ANO3: variants seen among roughly 807,000 people sequenced by gnomAD.
ANO3 encodes anoctamin 3.
ANO3 carries 99 observed loss-of-function variants against 144.8 expected under a neutral mutation model. The ratio of observed to expected loss-of-function variants is 0.68; its 90% CI spans 0.58 to 0.81. The LOEUF is 0.81. Ranked by LOEUF, ANO3 falls within the 30% of genes least tolerant of loss-of-function variation. ANO3 has a pLI of 0.00. For missense variants in ANO3, 905 were observed against 1,202.2 expected, an observed-to-expected ratio of 0.75 and a Z score of 3.66; for synonymous variants, 414 against 392.6, an observed-to-expected ratio of 1.05 and a Z score of -0.64.
chr11:26,261,882 C>T (rs1032515829), intron 1 of ANO3, among the ~76,000 whole-genome samples: 11 of 152,104 alleles, frequency 7.2e-5, no homozygotes, highest in African/African-American at 2.4e-4. Flanking sequence ...GAGTGTGGAT[C>T]CAAAACAATA....
chr11:26,445,544 C>T (rs527483601), intron 3 of ANO3, among the ~76,000 whole-genome samples: 1 of 152,150 alleles, frequency 6.6e-6, no homozygotes, highest in East Asian at 1.9e-4. Context: ...TCCAGCTGAC[C>T]TGTGTTTATA....
chr11:26,612,409 A>G (rs1171251632), intron 17 of ANO3, among the ~76,000 whole-genome samples: 1 of 151,276 alleles, frequency 6.6e-6, no homozygotes, highest in Admixed American at 6.6e-5. Context: ...CCTACAATTT[A>G]TATTTCTGAT....
At chr11:26,615,075 G>C (rs1852212542) in intron 17 of ANO3, among the ~76,000 whole-genome samples, 1 of 150,522 alleles carries the variant, frequency 6.6e-6, no homozygotes, top group South Asian at 2.1e-4. Context: ...TCTGTATATA[G>C]GTCTTGATTT....
At chr11:26,264,312 A>T (rs184725825) in intron 1 of ANO3, among the ~76,000 whole-genome samples, 32 of 152,324 alleles carry the variant, frequency 2.1e-4, no homozygotes, top group Non-Finnish European at 4.0e-4. Context: ...TTTCATAGAA[A>T]AACTAGCACT....
At chr11:26,338,216 G>A (rs551925132) in intron 1 of ANO3, among the ~76,000 whole-genome samples, 34 of 152,226 alleles carry the variant, frequency 2.2e-4, no homozygotes, top group Admixed American at 7.9e-4. Flanking sequence ...GGGTTGAGTG[G>A]GAACTTGGAG....
At chr11:26,419,109 A>T (rs989550922) in intron 1 of ANO3, among the ~76,000 whole-genome samples, 5 of 135,924 alleles carry the variant, frequency 3.7e-5, no homozygotes, top group African/African-American at 1.2e-4. Flanking sequence ...ACTTACAATC[A>T]TGGCAGAAGG....
intron 20 of ANO3, among the ~76,000 whole-genome samples, chr11:26,637,847 T>C (rs1419813542): frequency 6.6e-6 from 1 of 152,138 alleles, no homozygotes; most frequent in Non-Finnish European, 1.5e-5. Flanking sequence ...ATCAAAGCCA[T>C]AGAGAAGACT....
intron 5 of ANO3, among the ~76,000 whole-genome samples, chr11:26,512,295 T>C (rs1861695524): frequency 6.6e-6 from 1 of 152,200 alleles, no homozygotes; most frequent in African/African-American, 2.4e-5. Context: ...CTCCTTTCTC[T>C]TGGGAATTTG....
At chr11:26,375,078 A>T (rs1014863658) in intron 1 of ANO3, among the ~76,000 whole-genome samples, 4 of 152,148 alleles carry the variant, frequency 2.6e-5, no homozygotes, top group African/African-American at 7.2e-5. Context: ...TTACATACTC[A>T]TCATAATGTA....
chr11:26,220,473 A>G (rs1852120176), intron 1 of ANO3, among the ~76,000 whole-genome samples: 1 of 152,122 alleles, frequency 6.6e-6, no homozygotes, highest in African/African-American at 2.4e-5. Context: ...AATACCTAAG[A>G]TGTTTATCCA....
intron 4 of ANO3, among the ~76,000 whole-genome samples, chr11:26,506,216 C>T (rs2134133830): frequency 6.6e-6 from 1 of 152,174 alleles, no homozygotes; most frequent in East Asian, 1.9e-4. Flanking sequence ...CCTTTTTAAA[C>T]TACTCAAGCC....
chr11:26,475,260 A>G (rs1044777264), intron 4 of ANO3, among the ~76,000 whole-genome samples: 2 of 151,994 alleles, frequency 1.3e-5, no homozygotes, highest in Non-Finnish European at 2.9e-5. Context: ...TCCCGTGGAT[A>G]CATGTCTTAC....
chr11:26,590,516 G>T (rs917927536), intron 14 of ANO3, among the ~76,000 whole-genome samples: 1 of 152,184 alleles, frequency 6.6e-6, no homozygotes, highest in Admixed American at 6.5e-5. Flanking sequence ...CAAGATGGCG[G>T]CAAGACTTTT....
intron 22 of ANO3, among the ~76,000 whole-genome samples, chr11:26,642,955 C>A (rs912814416): frequency 6.6e-6 from 1 of 152,112 alleles, no homozygotes; most frequent in Non-Finnish European, 1.5e-5. Flanking sequence ...CATAGACTTT[C>A]AATACATTCA....
At chr11:26,193,287 A>G (rs1000683276) in intron 1 of ANO3, among the ~76,000 whole-genome samples, 1 of 151,736 alleles carries the variant, frequency 6.6e-6, no homozygotes, top group Non-Finnish European at 1.5e-5. Context: ...GATTGCAGGC[A>G]TGCACCACCA....
At chr11:26,489,300 G>A (rs761709710) in intron 4 of ANO3, among the ~76,000 whole-genome samples, 4 of 152,222 alleles carry the variant, frequency 2.6e-5, no homozygotes, top group Non-Finnish European at 5.9e-5. Context: ...GAGCCTGCGG[G>A]AGCACAGAAG....
At chr11:26,640,072 G>A (rs1853098773) in intron 21 of ANO3, among the ~76,000 whole-genome samples, 1 of 152,022 alleles carries the variant, frequency 6.6e-6, no homozygotes, top group South Asian at 2.1e-4. Flanking sequence ...AAAGATCTGG[G>A]GGTTGTAGAA....
chr11:26,263,482 G>A (rs12271476), intron 1 of ANO3, among the ~76,000 whole-genome samples: 4,096 of 152,252 alleles, frequency 0.027, 88 homozygotes, highest in African/African-American at 0.066. Context: ...TCCATTCCAA[G>A]AAAGCTGCTC....
intron 11 of ANO3, among the ~76,000 whole-genome samples, chr11:26,543,635 T>A (rs1849702699): frequency 6.6e-6 from 1 of 152,084 alleles, no homozygotes; most frequent in Non-Finnish European, 1.5e-5. Flanking sequence ...CAGGCCCCAG[T>A]GTGTGATGTT....
Sources: allele counts gnomAD v4.1 joint callset (sites outside exome capture counted in the v4.1 genomes callset), GRCh38; gene constraint gnomAD v4.1.1; transcripts MANE v1.5; gene names NCBI Gene and HGNC (gene_info 2026-07-23, HGNC 2026-07-21).